Variants in PLCL2 observed in about 807,000 individuals in gnomAD.
PLCL2 encodes inactive phospholipase C-like protein 2.
In PLCL2, 4 loss-of-function variants were observed where a neutral mutation model predicts 79.6. The observed-to-expected ratio is 0.05, with a 90% CI of 0.02 to 0.11. PLCL2 has a LOEUF of 0.11. PLCL2 is among the 10% of genes least tolerant of loss of function. The pLI is 1.00. For synonymous variants in PLCL2, 484 were observed against 457.7 expected (o/e 1.06, Z -0.73); for missense variants, 895 against 1,291.0 (o/e 0.69, Z 4.70).
intron 4 of PLCL2, among the ~76,000 whole-genome samples, chr3:17,045,201 C>T (rs2064768142): frequency 6.6e-6 from 1 of 152,112 alleles, no homozygotes; most frequent in Admixed American, 6.6e-5. Context: ...AATTGTTATT[C>T]TGCTTGCCAA....
chr3:16,969,237 C>G (rs548513732), intron 1 of PLCL2, among the ~76,000 whole-genome samples: 1 of 152,162 alleles, frequency 6.6e-6, no homozygotes, highest in South Asian at 2.1e-4. Flanking sequence ...GTTGTGGTAT[C>G]AGGATGATGC....
At chr3:17,018,983 A>G (rs1472779286) in intron 3 of PLCL2, among the ~76,000 whole-genome samples, 1 of 152,360 alleles carries the variant, frequency 6.6e-6, no homozygotes, top group East Asian at 1.9e-4. Flanking sequence ...ATGCTGCAGT[A>G]TGTTTATAGA....
chr3:17,045,803 C>T (rs938085401), intron 4 of PLCL2, among the ~76,000 whole-genome samples: 3 of 152,166 alleles, frequency 2.0e-5, no homozygotes, highest in African/African-American at 2.4e-5. Flanking sequence ...CACTTGACCT[C>T]AGAAAGGGAG....
chr3:17,025,752 A>G (rs2064511149), intron 3 of PLCL2, among the ~76,000 whole-genome samples: 1 of 152,034 alleles, frequency 6.6e-6, no homozygotes, highest in Non-Finnish European at 1.5e-5. Flanking sequence ...TGAGGTAATG[A>G]TTTTTCTCCA....
chr3:16,957,030 C>T (rs554089789), intron 1 of PLCL2, among the ~76,000 whole-genome samples: 3 of 152,244 alleles, frequency 2.0e-5, no homozygotes, highest in African/African-American at 7.2e-5. Flanking sequence ...CTATTTCCTT[C>T]AGTTCTGCTC....
At chr3:16,939,152 GT>G (rs763622193) in intron 1 of PLCL2, among the ~76,000 whole-genome samples, 5 of 151,934 alleles carry the variant, frequency 3.3e-5, no homozygotes, top group African/African-American at 1.2e-4. Context: ...GGGTAAGCGG[GT>G]AATCACACAC....
chr3:17,072,670 GAA>G (rs547845475), intron 5 of PLCL2, among the ~76,000 whole-genome samples: 894 of 77,078 alleles, frequency 0.012, 13 homozygotes, highest in African/African-American at 0.033. Context: ...CTGTCTCAAA[GAA>G]AAAAAAAAAA....
At chr3:17,080,474 G>A (rs537546995) in intron 5 of PLCL2, among the ~76,000 whole-genome samples, 10 of 151,960 alleles carry the variant, frequency 6.6e-5, no homozygotes, top group African/African-American at 1.2e-4. Flanking sequence ...TTTTCCAGAC[G>A]GAGTCTTTCT....
chr3:16,920,586 C>G (rs773793531), intron 1 of PLCL2, among the ~76,000 whole-genome samples: 2 of 152,126 alleles, frequency 1.3e-5, no homozygotes, highest in Non-Finnish European at 2.9e-5. Flanking sequence ...CTGTGAGTGG[C>G]TATTACACAC....
intron 1 of PLCL2, among the ~76,000 whole-genome samples, chr3:16,937,827 A>G (rs981091138): frequency 6.6e-6 from 1 of 152,220 alleles, no homozygotes; most frequent in Non-Finnish European, 1.5e-5. Flanking sequence ...TATAAATCAA[A>G]CAAAAGCCAA....
intron 3 of PLCL2, among the ~76,000 whole-genome samples, chr3:17,026,356 CA>C (rs1186259882): frequency 6.6e-6 from 1 of 152,096 alleles, no homozygotes; most frequent in Non-Finnish European, 1.5e-5. Flanking sequence ...GTTTCCCTAC[CA>C]CATTAGTATT....
At chr3:16,958,270 A>G (rs2063724740) in intron 1 of PLCL2, among the ~76,000 whole-genome samples, 1 of 152,212 alleles carries the variant, frequency 6.6e-6, no homozygotes, top group Non-Finnish European at 1.5e-5. Context: ...TTAGAAAAGG[A>G]TGAACAATGA....
At chr3:16,976,199 C>T (rs62246031) in intron 1 of PLCL2, among the ~76,000 whole-genome samples, 24,379 of 151,846 alleles carry the variant, frequency 0.16, 2,478 homozygotes, top group Non-Finnish European at 0.21. Flanking sequence ...GATATTTGTG[C>T]GTGTATATAT....
At chr3:16,957,886 T>A (rs181697718) in intron 1 of PLCL2, among the ~76,000 whole-genome samples, 6 of 152,202 alleles carry the variant, frequency 3.9e-5, no homozygotes, top group Admixed American at 3.9e-4. Context: ...GCTTGGTAGG[T>A]CTTCCTCCAT....
At chr3:17,050,224 G>A (rs1363601269) in intron 4 of PLCL2, among the ~76,000 whole-genome samples, 1 of 152,118 alleles carries the variant, frequency 6.6e-6, no homozygotes, top group African/African-American at 2.4e-5. Context: ...ACTACTGCAA[G>A]AAAACATTGG....
chr3:16,974,118 G>C (rs939477937), intron 1 of PLCL2, among the ~76,000 whole-genome samples: 3 of 152,182 alleles, frequency 2.0e-5, no homozygotes, highest in African/African-American at 7.2e-5. Context: ...GAGAGTGGTG[G>C]GGAGAGTGAG....
intron 1 of PLCL2, among the ~76,000 whole-genome samples, chr3:16,974,427 C>T (rs935453030): frequency 6.6e-6 from 1 of 152,016 alleles, no homozygotes; most frequent in Non-Finnish European, 1.5e-5. Context: ...ATGGAAGGAA[C>T]AGAAGGAAGA....
intron 1 of PLCL2, among the ~76,000 whole-genome samples, chr3:16,916,029 C>T (rs1332594481): frequency 6.6e-6 from 1 of 152,152 alleles, no homozygotes; most frequent in Admixed American, 6.5e-5. Context: ...TAAATCAAAG[C>T]ATGCTTAGTA....
At chr3:16,962,912 A>G (rs1385055345) in intron 1 of PLCL2, among the ~76,000 whole-genome samples, 5 of 152,164 alleles carry the variant, frequency 3.3e-5, no homozygotes, top group Non-Finnish European at 7.4e-5. Context: ...ACATAAACAC[A>G]CTTGCAAGTA....
Sources: allele counts gnomAD v4.1 joint callset (sites outside exome capture counted in the v4.1 genomes callset), GRCh38; gene constraint gnomAD v4.1.1; transcripts MANE v1.5; gene names NCBI Gene and HGNC (gene_info 2026-07-23, HGNC 2026-07-21).